PTPRM: variants seen among roughly 807,000 people sequenced by gnomAD.
PTPRM encodes the protein protein tyrosine phosphatase receptor type M.
In PTPRM, 47 loss-of-function variants were observed where a neutral mutation model predicts 186.7. The observed-to-expected ratio is 0.25, with a 90% confidence interval of 0.20 to 0.32. PTPRM has a LOEUF of 0.32. PTPRM is among the 10% of genes least tolerant of loss of function. The pLI is 1.00. For synonymous variants in PTPRM, 668 were observed against 674.9 expected, an observed-to-expected ratio of 0.99 and a Z score of 0.16; for missense variants, 1,494 against 1,865.0, an observed-to-expected ratio of 0.80 and a Z score of 3.66.
chr18:8,006,243 A>G (rs1452292203), intron 7 of PTPRM, among the ~76,000 whole-genome samples: 2 of 152,346 alleles, frequency 1.3e-5, no homozygotes, highest in Admixed American at 1.3e-4. Flanking sequence ...GTAAACATTT[A>G]TAAATACTTT....
chr18:7,705,279 TTATCTATCTATC>T (rs67662119), intron 1 of PTPRM, among the ~76,000 whole-genome samples: 4,995 of 146,560 alleles, frequency 0.034, 120 homozygotes, highest in African/African-American at 0.066. Flanking sequence ...AAATATCTAT[TTATCTATCTATC>T]TATCTATCTA....
chr18:8,177,684 A>G (rs1217160912), intron 14 of PTPRM, among the ~76,000 whole-genome samples: 1 of 152,238 alleles, frequency 6.6e-6, no homozygotes, highest in African/African-American at 2.4e-5. Context: ...GAATGAGGCA[A>G]GTTTTAGAGC....
chr18:7,982,987 G>C (rs988648139), intron 7 of PTPRM, among the ~76,000 whole-genome samples: 1 of 151,982 alleles, frequency 6.6e-6, no homozygotes, highest in African/African-American at 2.4e-5. Flanking sequence ...ATCTGCATTC[G>C]CCACGATTCT....
intron 7 of PTPRM, among the ~76,000 whole-genome samples, chr18:7,978,581 C>A: frequency 6.6e-6 from 1 of 152,142 alleles, no homozygotes; most frequent in East Asian, 1.9e-4. Context: ...TGCTAACTTA[C>A]GAGGCGAATG....
intron 14 of PTPRM, among the ~76,000 whole-genome samples, chr18:8,193,798 G>GT (rs1351023915): frequency 2.0e-4 from 31 of 152,258 alleles, no homozygotes; most frequent in African/African-American, 7.5e-4. Context: ...TCCAGGCACA[G>GT]TGGCTGTAGG....
At chr18:7,863,993 GTCT>G (rs1352473707) in intron 2 of PTPRM, among the ~76,000 whole-genome samples, 1 of 152,190 alleles carries the variant, frequency 6.6e-6, no homozygotes, top group East Asian at 1.9e-4. Context: ...CTGCATAAAT[GTCT>G]TCTTTTGAGA....
rs571025595 is a variant in PTPRM at position 7,649,137 on chromosome 18, G to A, written c.73+81246G>A. Among the ~76,000 whole-genome samples the A allele has an allele frequency of 1.3e-3, 192 of 152,272 alleles. 1 individual carries two copies. Among genetic ancestry groups the A allele is most frequent in the Non-Finnish European group, 2.4e-3 (162 of 68,008 alleles). ...TGTGCTCTGTAAAGGGAACAACAAA[G>A]CCTGGATGACAGCACATCTGTTTAC... On this transcript the variant is annotated intron_variant, in intron 1 of 32. Transcript: ENST00000580170.
chr18:8,354,961 G>A (rs553535479), intron 23 of PTPRM, among the ~76,000 whole-genome samples: 5 of 152,280 alleles, frequency 3.3e-5, no homozygotes, highest in African/African-American at 1.2e-4. Context: ...GTAGACATAA[G>A]AGTAACTGGG....
intron 14 of PTPRM, among the ~76,000 whole-genome samples, chr18:8,199,349 C>A (rs561622352): frequency 4.9e-4 from 75 of 152,212 alleles, no homozygotes; most frequent in African/African-American, 1.8e-3. Flanking sequence ...GCAGAGCCTG[C>A]GCTCCTCACT....
rs1320265482 is a variant in PTPRM at position 8,292,133 on chromosome 18, T to G, written c.2755-4235T>G. ...ACCATATCATGGCTTCTCTGAATAT[T>G]CAGTGGCTCCAGAGCTACAGATGAA... On this transcript the variant is annotated intron_variant, in intron 19 of 32. Coordinates refer to ENST00000580170, the MANE Select transcript of PTPRM (RefSeq NM_001105244.2). Among the ~76,000 whole-genome samples, 4 of 152,196 alleles carry G rather than the reference T, an allele frequency of 2.6e-5. No individual in the cohort carries two copies. In the East Asian group the frequency reaches 7.7e-4, roughly 29 times the overall value.
intron 2 of PTPRM, among the ~76,000 whole-genome samples, chr18:7,819,964 T>C (rs1288234394): frequency 6.6e-6 from 1 of 152,172 alleles, no homozygotes; most frequent in Non-Finnish European, 1.5e-5. Context: ...CCAGGAGCCA[T>C]TGAAGTGATA....
intron 2 of PTPRM, among the ~76,000 whole-genome samples, chr18:7,842,420 G>T (rs2046369339): frequency 6.6e-6 from 1 of 152,146 alleles, no homozygotes; most frequent in African/African-American, 2.4e-5. Context: ...CCTTATGATG[G>T]TTAATTTGTG....
intron 1 of PTPRM, among the ~76,000 whole-genome samples, chr18:7,694,489 C>T (rs867998890): frequency 4.7e-5 from 7 of 148,092 alleles, no homozygotes; most frequent in East Asian, 2.0e-4. Flanking sequence ...TGCGGTAGTG[C>T]GGTCTTGGCT....
At chr18:8,194,933 T>C (rs888973879) in intron 14 of PTPRM, among the ~76,000 whole-genome samples, 3 of 152,060 alleles carry the variant, frequency 2.0e-5, no homozygotes, top group Non-Finnish European at 4.4e-5. Flanking sequence ...AAACGTTTCT[T>C]CTCAGGAATC....
intron 19 of PTPRM, among the ~76,000 whole-genome samples, chr18:8,287,837 T>C (rs1486860258): frequency 2.0e-5 from 3 of 152,192 alleles, no homozygotes; most frequent in African/African-American, 4.8e-5. Context: ...GCATGACTTA[T>C]AGAAACACAG....
intron 14 of PTPRM, among the ~76,000 whole-genome samples, chr18:8,235,493 G>A (rs567516030): frequency 1.5e-5 from 2 of 136,088 alleles, no homozygotes; most frequent in Non-Finnish European, 3.1e-5. Flanking sequence ...CTGGCTAGAG[G>A]TGTATCAATT....
At chr18:7,807,048 A>G (rs994033412) in intron 2 of PTPRM, among the ~76,000 whole-genome samples, 2 of 151,986 alleles carry the variant, frequency 1.3e-5, no homozygotes, top group Non-Finnish European at 2.9e-5. Context: ...TTTTTTTGAG[A>G]GTCTTGCTTT....
chr18:7,732,275 G>C (rs907469755), intron 1 of PTPRM, among the ~76,000 whole-genome samples: 44 of 152,274 alleles, frequency 2.9e-4, no homozygotes, highest in Middle Eastern at 3.4e-3. Flanking sequence ...AGGGCGAGGG[G>C]AAGGGCCAGT....
chr18:7,986,634 G>T (rs905431906), intron 7 of PTPRM, among the ~76,000 whole-genome samples: 1 of 152,230 alleles, frequency 6.6e-6, no homozygotes, highest in Non-Finnish European at 1.5e-5. Context: ...CCATATGCAA[G>T]TGCAGGGCAA....
Sources: allele counts gnomAD v4.1 joint callset (sites outside exome capture counted in the v4.1 genomes callset), GRCh38; gene constraint gnomAD v4.1.1; transcripts MANE v1.5; gene names NCBI Gene and HGNC (gene_info 2026-07-23, HGNC 2026-07-21).